Variants in SLC52A3 observed in about 807,000 individuals in gnomAD.
SLC52A3 encodes the protein solute carrier family 52 member 3.
Under a neutral mutation model 29.5 loss-of-function variants are expected in SLC52A3, and 20 were observed. The observed-to-expected ratio is 0.68, with a 90% confidence interval of 0.48 to 0.99. SLC52A3 has a LOEUF of 0.99. SLC52A3 is among the 50% of genes least tolerant of loss of function. The pLI, the probability that SLC52A3 is intolerant of heterozygous loss-of-function variation, is 0.00. For synonymous variants in SLC52A3, 301 were observed against 271.0 expected (o/e 1.11, Z -1.09); for missense variants, 548 against 612.9 (o/e 0.89, Z 1.12).
upstream of SLC52A3, among the ~76,000 whole-genome samples, chr20:777,404 C>T (rs78805089): frequency 7.4e-3 from 1,131 of 152,250 alleles, 13 homozygotes; most frequent in African/African-American, 0.026. Context: ...TTTATGTCTA[C>T]ACCTTAGGAG....
rs1161630058 is a variant in SLC52A3 at position 768,402 on chromosome 20, T to C, written c.-157A>G. On this transcript the variant is annotated 5_prime_UTR_variant, in exon 1 of 5. Coordinates refer to ENST00000645534, the MANE Select transcript of SLC52A3 (RefSeq NM_033409.4). ...GGGGCAGAGGGGCTCTCCTGGGATCTGGACTGGATCCTCTGCAGCAAGCGG... is the reference window on the plus strand; with the variant it reads ...GGGGCAGAGGGGCTCTCCTGGGATCCGGACTGGATCCTCTGCAGCAAGCGG... 6.6e-6 allele frequency: 1 copy of C among 152,266 alleles called. No homozygotes were observed. The highest frequency in any genetic ancestry group is 1.5e-5 in the Non-Finnish European group (1 of 68,100). The allele number at this position is 152,266 out of a possible 1,614,324, so 9.4% of individuals were successfully genotyped here.
chr20:761,200 G>A lies in SLC52A3; in HGVS notation c.1236C>T (p.Tyr412=). The A allele has an allele frequency of 1.9e-6, 3 of 1,562,724 alleles. No individual in the cohort carries two copies. The highest frequency in any genetic ancestry group is 2.6e-6 in the Non-Finnish European group (3 of 1,154,800). Residue 412 remains tyrosine, a synonymous_variant, in exon 5 of 5, where the codon TAC becomes TAT. Transcript: ENST00000645534. The part of the protein sequence containing the change: ...SWVLFSGCLS[Y]VKVMLGVVLR... ...GGACCACGCCCAGCATCACCTTGAC[G>A]TAACTGAGGCAGCCGCTGAAAAGCA...
chr20:777,788 T>C (rs1987104887), upstream of SLC52A3, among the ~76,000 whole-genome samples: 1 of 152,046 alleles, frequency 6.6e-6, no homozygotes, highest in Non-Finnish European at 1.5e-5. Flanking sequence ...GCTCAGGACA[T>C]ACACACCCCC....
chr20:777,183 C>T (rs1987065937), upstream of SLC52A3, among the ~76,000 whole-genome samples: 1 of 151,958 alleles, frequency 6.6e-6, no homozygotes, highest in Non-Finnish European at 1.5e-5. Flanking sequence ...TTGCAGTGAG[C>T]CGAGATCGCG....
intron 4 of SLC52A3, 36 bp downstream of exon 4, chr20:761,665 A>G: frequency 1.2e-6 from 2 of 1,611,738 alleles, no homozygotes; most frequent in African/African-American, 1.3e-5. Context: ...GGTGAGGGGT[A>G]CGCAGCGGGA....
At chr20:769,263 G>A (rs749168699), upstream of SLC52A3, among the ~76,000 whole-genome samples, 4 of 152,160 alleles carry the variant, frequency 2.6e-5, no homozygotes, top group Non-Finnish European at 4.4e-5. Flanking sequence ...AGCATTTCTG[G>A]CTTCTCAGGA....
intron 1 of SLC52A3, chr20:766,078 A>G (rs1220001947): frequency 7.2e-6 from 3 of 419,554 alleles, no homozygotes; most frequent in Non-Finnish European, 1.3e-5. Context: ...CTGGGATTAC[A>G]GGTGCATGCC....
chr20:766,781 T>C (rs558948121), intron 1 of SLC52A3, among the ~76,000 whole-genome samples: 4 of 152,318 alleles, frequency 2.6e-5, no homozygotes, highest in Non-Finnish European at 4.4e-5. Flanking sequence ...TCTCTTCACA[T>C]GGACGCGCGT....
At position 765,857 on chromosome 20, in the gene SLC52A3, C is replaced by T; in HGVS notation, c.-51-32G>A. On this transcript the variant is annotated intron_variant, in intron 1 of 4. Transcript: ENST00000645534. This position sits in a 1 kb window ranked among gnomAD's most constrained non-coding sequence, Gnocchi z 6.6. ...GAGAAGGACACCAGGTGAGTAATTC[C>T]AGCTTCACCACCTAGCAAGATGCTG... The T allele has an allele frequency of 1.5e-6, 2 of 1,334,576 alleles. No homozygotes were observed. Among genetic ancestry groups the T allele is most frequent in the Non-Finnish European group, 2.1e-6 (2 of 946,202 alleles). 82.7% of individuals were successfully genotyped at this position (1,334,576 alleles called of 1,614,324 possible). A position where few individuals can be genotyped will look rare whatever the true frequency, so the allele number is the denominator to read the frequency against.
intron 1 of SLC52A3, among the ~76,000 whole-genome samples, chr20:775,504 C>A (rs1986988374): frequency 6.6e-6 from 1 of 152,044 alleles, no homozygotes; most frequent in Non-Finnish European, 1.5e-5. Context: ...GTCTTGAACT[C>A]CCTGAGCTCA....
At position 760,913 on chromosome 20, in the gene SLC52A3, C is replaced by T; in HGVS notation, c.*113G>A. ...ACAGTCCCCAGTGGGCACTTGCGTT[C>T]ATGATTCAATTACTCAGGCTCTGTC... On this transcript the variant is annotated 3_prime_UTR_variant, in exon 5 of 5. Coordinates refer to ENST00000645534, the MANE Select transcript of SLC52A3 (RefSeq NM_033409.4). This position sits in a 1 kb window ranked among gnomAD's most constrained non-coding sequence, Gnocchi z 4.9. 1 of 1,131,196 alleles carries T rather than the reference C, an allele frequency of 8.8e-7. No homozygotes were observed. The highest frequency in any genetic ancestry group is 1.4e-5 in the South Asian group (1 of 69,480). The allele number at this position is 1,131,196 out of a possible 1,614,324, so 70.1% of individuals were successfully genotyped here.
intron 1 of SLC52A3, among the ~76,000 whole-genome samples, chr20:766,982 G>A (rs1251881049): frequency 2.6e-5 from 4 of 152,130 alleles, no homozygotes; most frequent in African/African-American, 9.7e-5. Context: ...TTGTCCCAAA[G>A]CCTGACAAAA....
intron 4 of SLC52A3, 41 bp downstream of exon 4, chr20:761,660 G>A (rs1251874015): frequency 1.2e-6 from 2 of 1,611,120 alleles, no homozygotes; most frequent in Admixed American, 3.4e-5. Flanking sequence ...CTAGGGGTGA[G>A]GGGTACGCAG....
At chr20:775,123 A>G (rs1187021950) in intron 1 of SLC52A3, among the ~76,000 whole-genome samples, 1 of 152,126 alleles carries the variant, frequency 6.6e-6, no homozygotes, top group Non-Finnish European at 1.5e-5. Context: ...ACCTTGGTGG[A>G]GCAGCCTCCC....
chr20:767,309 C>A (rs1313833619), intron 1 of SLC52A3, among the ~76,000 whole-genome samples: 1 of 151,790 alleles, frequency 6.6e-6, no homozygotes. Flanking sequence ...CAAAGCAACC[C>A]TTGAAGGACA....
chr20:771,062 GT>G (rs1245225435), upstream of SLC52A3, among the ~76,000 whole-genome samples: 1 of 152,208 alleles, frequency 6.6e-6, no homozygotes, highest in Non-Finnish European at 1.5e-5. Context: ...TTTGTTTAAT[GT>G]TGTTGTTAAA....
intron 1 of SLC52A3, among the ~76,000 whole-genome samples, chr20:774,337 G>A (rs1297556019): frequency 1.3e-5 from 2 of 152,312 alleles, no homozygotes; most frequent in East Asian, 1.9e-4. Context: ...ATTCTTTCCT[G>A]GGTTCCAGGC....
At position 765,675 on chromosome 20, in the gene SLC52A3, G is replaced by C. The variant is rs1986661173; in HGVS notation, c.100C>G (p.Leu34Val). 1.9e-6 allele frequency: 3 copies of C among 1,613,412 alleles called. No individual in the cohort carries two copies. Among genetic ancestry groups the C allele is most frequent in the Admixed American group, 1.7e-5 (1 of 59,968 alleles). ...GAGGGCAGGTACCAGCCCTCGGGCAGCTCCATCACCAGCAGGGGCAGCTCT... is the reference window on the plus strand; with the variant it reads ...GAGGGCAGGTACCAGCCCTCGGGCACCTCCATCACCAGCAGGGGCAGCTCT... ...WVELPLLVME[L>V]PEGWYLPSYL... The change falls in exon 2 of 5, where the codon CTG (leucine) becomes GTG (valine). Residue 34 changes from leucine (L) to valine (V), a missense_variant. Coordinates refer to ENST00000645534, the MANE Select transcript of SLC52A3 (RefSeq NM_033409.4). This position sits in a 1 kb window ranked among gnomAD's most constrained non-coding sequence, Gnocchi z 6.6.
chr20:771,672 A>AAC (rs1204855636), upstream of SLC52A3, among the ~76,000 whole-genome samples: 699 of 150,858 alleles, frequency 4.6e-3, 13 homozygotes, highest in African/African-American at 0.016. Context: ...GAGATATGAA[A>AAC]AAAAAAAAAA....
Sources: gnomAD v4.1 joint callset for allele counts (sites outside exome capture counted in the v4.1 genomes callset) on GRCh38, gnomAD v4.1.1 for gene constraint, Gnocchi (gnomAD v3.1) non-coding constraint, MANE v1.5 for transcripts, NCBI Gene and HGNC (gene_info 2026-07-23, HGNC 2026-07-21) for gene names.